The following RBM47 variants were observed in gnomAD, a reference collection of about 807,000 sequenced individuals.
RBM47 encodes the protein RNA-binding protein 47.
In RBM47, 21 loss-of-function variants were observed where a neutral mutation model predicts 47.1. The observed-to-expected ratio is 0.45, with a 90% CI of 0.32 to 0.64. RBM47 has a LOEUF of 0.64. Among genes scored for constraint, RBM47 ranks in the 30% least tolerant of loss-of-function variants. RBM47 has a pLI of 0.05. For synonymous variants in RBM47, 375 were observed against 361.7 expected, an observed-to-expected ratio of 1.04 and a Z score of -0.42; for missense variants, 708 against 870.9, an observed-to-expected ratio of 0.81 and a Z score of 2.35.
chr4:40,515,660 T>C lies in RBM47; in HGVS notation c.-155+28762A>G, dbSNP rs188626459. On this transcript the variant is annotated intron_variant, in intron 2 of 6. Coordinates refer to ENST00000295971, the MANE Select transcript of RBM47 (RefSeq NM_001098634.2). Reference sequence around the variant, plus strand: ...AACCTAGAATTGAGATCATGTGTTTTCTACACTCCAGCTGTGTGACCTTGA... The same window carrying C: ...AACCTAGAATTGAGATCATGTGTTTCCTACACTCCAGCTGTGTGACCTTGA... Among the ~76,000 whole-genome samples, 774 of 152,294 alleles carry C rather than the reference T, an allele frequency of 5.1e-3. 5 individuals carry two copies. Among genetic ancestry groups the C allele is most frequent in the African/African-American group, 0.018 (748 of 41,546 alleles).
intron 6 of RBM47, among the ~76,000 whole-genome samples, chr4:40,430,021 G>A (rs1577593215): frequency 1.3e-5 from 2 of 151,780 alleles, no homozygotes; most frequent in Non-Finnish European, 2.9e-5. Context: ...GTGAAACCCC[G>A]TCTCCACTAA....
chr4:40,563,028 G>C (rs1238734128), intron 1 of RBM47, among the ~76,000 whole-genome samples: 1 of 152,120 alleles, frequency 6.6e-6, no homozygotes, highest in Non-Finnish European at 1.5e-5. Context: ...TATTAAACTG[G>C]CATTTGTTAG....
chr4:40,521,807 C>A (rs1051387264), intron 2 of RBM47, among the ~76,000 whole-genome samples: 9 of 152,118 alleles, frequency 5.9e-5, no homozygotes, highest in Non-Finnish European at 1.0e-4. Flanking sequence ...TATGGGGGAA[C>A]CTGGCTAACT....
chr4:40,539,719 G>A lies in RBM47; in HGVS notation c.-155+4703C>T, dbSNP rs192987201. Among the ~76,000 whole-genome samples, 960 of 125,498 alleles carry A rather than the reference G, an allele frequency of 7.6e-3. 7 individuals carry two copies. The highest frequency in any genetic ancestry group is 0.028 in the African/African-American group (917 of 32,296). 82.3% of individuals were successfully genotyped at this position (125,498 alleles called of 152,430 possible). On this transcript the variant is annotated intron_variant, in intron 2 of 6. Coordinates refer to ENST00000295971, the MANE Select transcript of RBM47 (RefSeq NM_001098634.2). ...TGTGCCACTGCACTCCAGCCTGGGC[G>A]ACAGAGCAAGACTCTGTCTCAAAAA...
intron 3 of RBM47, among the ~76,000 whole-genome samples, chr4:40,453,298 T>C (rs574525456): frequency 6.6e-6 from 1 of 152,290 alleles, no homozygotes; most frequent in East Asian, 1.9e-4. Flanking sequence ...CAAACATTGA[T>C]TGAGTGCCAA....
intron 1 of RBM47, among the ~76,000 whole-genome samples, chr4:40,574,839 G>A (rs1229851555): frequency 1.3e-5 from 2 of 152,110 alleles, no homozygotes; most frequent in Admixed American, 1.3e-4. Flanking sequence ...AACAGAGTGA[G>A]ACTCTGTATC....
intron 1 of RBM47, among the ~76,000 whole-genome samples, chr4:40,547,782 G>C (rs1237570737): frequency 6.6e-6 from 1 of 152,222 alleles, no homozygotes; most frequent in Non-Finnish European, 1.5e-5. Context: ...ACAAAAGACG[G>C]CTATGGCTTG....
intron 3 of RBM47, among the ~76,000 whole-genome samples, chr4:40,457,607 G>A (rs192363852): frequency 7.4e-4 from 112 of 151,594 alleles, no homozygotes; most frequent in Admixed American, 5.4e-3. Context: ...ATTTTTTTTT[G>A]TATTTTTAGT....
intron 1 of RBM47, among the ~76,000 whole-genome samples, chr4:40,570,724 A>G (rs1315628399): frequency 6.6e-6 from 1 of 152,058 alleles, no homozygotes; most frequent in Non-Finnish European, 1.5e-5. Flanking sequence ...TAATCATGAT[A>G]ATGTTTTAAG....
At chr4:40,498,275 T>C (rs1439733424) in intron 2 of RBM47, among the ~76,000 whole-genome samples, 7 of 151,908 alleles carry the variant, frequency 4.6e-5, no homozygotes, top group African/African-American at 1.4e-4. Flanking sequence ...AGAATACTGG[T>C]TACCTAAAAT....
chr4:40,485,919 A>G (rs1266186070), intron 2 of RBM47, among the ~76,000 whole-genome samples: 1 of 151,268 alleles, frequency 6.6e-6, no homozygotes, highest in Non-Finnish European at 1.5e-5. Context: ...AAAAATACAA[A>G]CATTAGCTAG....
chr4:40,556,889 CA>C (rs202041019), intron 1 of RBM47, among the ~76,000 whole-genome samples: 2 of 146,358 alleles, frequency 1.4e-5, no homozygotes, highest in African/African-American at 5.2e-5. Context: ...AACCTTGTCT[CA>C]AAAAAATATA....
rs1711566036 is a variant in RBM47 at position 40,432,858 on chromosome 4, G to A, written c.1335C>T (p.Ala445=). 6.2e-7 allele frequency: 1 copy of A among 1,613,432 alleles called. No individual in the cohort carries two copies. The highest frequency in any genetic ancestry group is 2.2e-5 in the East Asian group (1 of 44,858). ...NPVAIKPGTV[A]IPAIGAQYSM... The stretch of plus-strand genomic sequence containing the variant: ...AATACTGAGCCCCAATGGCAGGGAT[G>A]GCTACTGCAAGAGAAGCAAGAAGGA... Residue 445 remains alanine, a synonymous_variant, in exon 6 of 7, where the codon GCC becomes GCT. Coordinates refer to ENST00000295971, the MANE Select transcript of RBM47 (RefSeq NM_001098634.2).
chr4:40,430,483 ATACTT>A (rs1450072301), intron 6 of RBM47, among the ~76,000 whole-genome samples: 1 of 152,260 alleles, frequency 6.6e-6, no homozygotes, highest in Non-Finnish European at 1.5e-5. Context: ...TATTATAACT[ATACTT>A]AGTTGTTATT....
At chr4:40,492,809 G>A (rs1301676106) in intron 2 of RBM47, among the ~76,000 whole-genome samples, 2 of 152,016 alleles carry the variant, frequency 1.3e-5, no homozygotes, top group African/African-American at 4.8e-5. Flanking sequence ...GCGCACACAC[G>A]AGTGTGCAGT....
chr4:40,533,370 G>A (rs1423844394), intron 2 of RBM47, among the ~76,000 whole-genome samples: 2 of 150,880 alleles, frequency 1.3e-5, no homozygotes, highest in South Asian at 2.1e-4. Context: ...GGAGGCAGAA[G>A]TTGCAGTGAG....
intron 4 of RBM47, 54 bp downstream of exon 4, chr4:40,437,717 G>A: frequency 1.3e-6 from 2 of 1,495,620 alleles, no homozygotes; most frequent in Non-Finnish European, 1.8e-6. Context: ...GGTGCCCCCT[G>A]CCTAGGAGGC....
At chr4:40,426,192 T>C (rs1430668526) in intron 6 of RBM47, 49 bp from the exon 7 acceptor site, 25 of 1,571,438 alleles carry the variant, frequency 1.6e-5, no homozygotes, top group Non-Finnish European at 2.2e-5. Context: ...TGTATGTACC[T>C]ATCATCCATT....
intron 3 of RBM47, among the ~76,000 whole-genome samples, chr4:40,457,438 A>C (rs28557164): frequency 6.9e-6 from 1 of 145,876 alleles, no homozygotes; most frequent in South Asian, 2.2e-4. Context: ...AAAAAAAAAA[A>C]CAAAAAAAAG....
Sources: gnomAD v4.1 joint callset for allele counts (sites outside exome capture counted in the v4.1 genomes callset) on GRCh38, gnomAD v4.1.1 for gene constraint, MANE v1.5 for transcripts, NCBI Gene and HGNC (gene_info 2026-07-23, HGNC 2026-07-21) for gene names.